Variants in ZFHX3 observed in about 807,000 individuals in gnomAD.
The protein encoded by ZFHX3 is zinc finger homeobox 3, also known as zinc finger homeobox protein 3.
A neutral mutation model predicts 279.1 loss-of-function variants in ZFHX3; 42 were observed. The ratio of observed to expected loss-of-function variants is 0.15; its 90% CI spans 0.12 to 0.19. The LOEUF (loss-of-function observed/expected upper bound fraction) is 0.19, where lower values mean the gene tolerates loss of function less well. Ranked by LOEUF, ZFHX3 falls within the 10% of genes least tolerant of loss-of-function variation. The pLI is 1.00. For missense variants in ZFHX3, 4,981 were observed against 4,754.0 expected, an observed-to-expected ratio of 1.05 and a Z score of -1.40; for synonymous variants, 2,293 against 1,957.8, an observed-to-expected ratio of 1.17 and a Z score of -4.52.
intron 5 of ZFHX3, among the ~76,000 whole-genome samples, chr16:73,175,029 AAACCAACC>A (rs746414325): frequency 1.3e-4 from 19 of 151,494 alleles, no homozygotes; most frequent in African/African-American, 4.6e-4. Context: ...CCCCCTCTCA[AAACCAACC>A]AACCAACCAA....
At chr16:73,824,004 T>C (rs1343127245) in intron 1 of ZFHX3, among the ~76,000 whole-genome samples, 1 of 152,226 alleles carries the variant, frequency 6.6e-6, no homozygotes, top group Non-Finnish European at 1.5e-5. Context: ...GGAAAGTTGA[T>C]GGAACCTTGA....
At chr16:73,068,578 G>T (rs1965784398) in intron 8 of ZFHX3, among the ~76,000 whole-genome samples, 1 of 152,212 alleles carries the variant, frequency 6.6e-6, no homozygotes. Flanking sequence ...GCCTCGGCTG[G>T]CCATACTAGG....
At chr16:72,906,589 G>T (rs1289485328) in intron 3 of ZFHX3, among the ~76,000 whole-genome samples, 1 of 152,046 alleles carries the variant, frequency 6.6e-6, no homozygotes. Context: ...CTGAGGTCAG[G>T]AGTTCGAGAC....
intron 3 of ZFHX3, among the ~76,000 whole-genome samples, chr16:73,375,852 C>T (rs1422594513): frequency 1.3e-5 from 2 of 152,162 alleles, no homozygotes; most frequent in Admixed American, 1.3e-4. Context: ...TAAGGATGTA[C>T]ATCAAATTAC....
intron 1 of ZFHX3, among the ~76,000 whole-genome samples, chr16:72,986,789 C>A (rs145985882): frequency 0.017 from 2,556 of 152,216 alleles, 46 homozygotes; most frequent in African/African-American, 0.05. Flanking sequence ...AGGATGGCAG[C>A]CCCAGGACTT....
At chr16:73,761,670 A>T (rs1434845927) in intron 1 of ZFHX3, among the ~76,000 whole-genome samples, 1 of 152,190 alleles carries the variant, frequency 6.6e-6, no homozygotes, top group Non-Finnish European at 1.5e-5. Flanking sequence ...AGAACTCAGA[A>T]ATAAGACTGC....
At chr16:73,393,301 G>T (rs2017057507) in intron 3 of ZFHX3, among the ~76,000 whole-genome samples, 1 of 152,164 alleles carries the variant, frequency 6.6e-6, no homozygotes, top group Non-Finnish European at 1.5e-5. Context: ...TATGTTGCTT[G>T]TCAGTACATT....
Position 72,796,283 on chromosome 16 carries a change from C to G in ZFHX3, c.6399G>C (p.Gln2133His). 1.2e-6 allele frequency: 2 copies of G among 1,614,072 alleles called. No individual in the cohort carries two copies. ...PLPADLAQLY[Q>H]HQLNPTLLQQ... ...GGAGCAGGGTTGGATTGAGCTGATG[C>G]TGGTAGAGTTGGGCCAGGTCCGCAG... The change falls in exon 9 of 10, where the codon CAG becomes CAC. Residue 2133 changes from glutamine to histidine, a missense_variant. Around this residue, in one of 7 missense-constraint regions of ZFHX3, gnomAD observed 1,751 missense variants for 1,770.0 expected, o/e 0.99. Transcript: ENST00000268489.
At chr16:73,204,290 A>G (rs2011715195) in intron 5 of ZFHX3, among the ~76,000 whole-genome samples, 1 of 150,472 alleles carries the variant, frequency 6.6e-6, no homozygotes, top group African/African-American at 2.4e-5. Flanking sequence ...TTCTATTATT[A>G]TTATATTCAT....
intron 3 of ZFHX3, among the ~76,000 whole-genome samples, chr16:73,388,365 G>A (rs1433077203): frequency 6.6e-6 from 1 of 152,192 alleles, no homozygotes; most frequent in Non-Finnish European, 1.5e-5. Flanking sequence ...GTAATGATCT[G>A]GGAAAATCCA....
intron 5 of ZFHX3, among the ~76,000 whole-genome samples, chr16:73,180,620 A>T (rs1158790543): frequency 2.0e-5 from 3 of 150,374 alleles, no homozygotes; most frequent in African/African-American, 7.3e-5. Flanking sequence ...CTGCTCTGCC[A>T]CCCTAGTCCC....
At chr16:72,805,398 G>C (rs145134338) in intron 7 of ZFHX3, among the ~76,000 whole-genome samples, 39 of 152,292 alleles carry the variant, frequency 2.6e-4, no homozygotes, top group Middle Eastern at 6.8e-3. Flanking sequence ...TATTCCAGGT[G>C]AAAGTATAGA....
At chr16:73,211,408 C>T (rs532557169) in intron 5 of ZFHX3, among the ~76,000 whole-genome samples, 2 of 152,208 alleles carry the variant, frequency 1.3e-5, no homozygotes, top group African/African-American at 4.8e-5. Flanking sequence ...AATTTTATCA[C>T]TTAAATGTAT....
In ZFHX3 at chr16:72,950,945, C is replaced by T; in HGVS notation, c.2740G>A (p.Asp914Asn). 6.2e-7 allele frequency: 1 copy of T among 1,612,836 alleles called. No individual in the cohort carries two copies. Among genetic ancestry groups the T allele is most frequent in the South Asian group, 1.1e-5 (1 of 91,016 alleles). The change falls in exon 3 of 10, where the codon GAC becomes AAC. Residue 914 changes from aspartate to asparagine, a missense_variant. Around this residue, in one of 7 missense-constraint regions of ZFHX3, gnomAD observed 1,751 missense variants for 1,770.0 expected, o/e 0.99. Coordinates refer to ENST00000268489, the MANE Select transcript of ZFHX3 (RefSeq NM_006885.4). Reference sequence around the variant, plus strand: ...AGCTGCCCGCCCCCGAGCCGCATGTCTAGGGGGATCTCACCGCCCACTGCA... The same window carrying T: ...AGCTGCCCGCCCCCGAGCCGCATGTTTAGGGGGATCTCACCGCCCACTGCA... The part of the protein sequence containing the change: ...PALVGGEIPL[D>N]MRLGGGQLVS...
intron 2 of ZFHX3, among the ~76,000 whole-genome samples, chr16:73,623,421 G>A (rs958818669): frequency 9.9e-5 from 15 of 152,032 alleles, no homozygotes; most frequent in Non-Finnish European, 1.9e-4. Context: ...ACTCTTTCCA[G>A]CTTCTGTTAG....
intron 1 of ZFHX3, among the ~76,000 whole-genome samples, chr16:73,782,941 A>C (rs1235677208): frequency 6.6e-6 from 1 of 152,194 alleles, no homozygotes; most frequent in African/African-American, 2.4e-5. Context: ...TATTCCAACT[A>C]ACTCAATAGG....
chr16:72,867,723 GAAAAA>G (rs10577267), intron 4 of ZFHX3, among the ~76,000 whole-genome samples: 4 of 147,992 alleles, frequency 2.7e-5, no homozygotes, highest in African/African-American at 9.8e-5. Context: ...TTTGACAGGG[GAAAAA>G]AAAAAAAAGA....
At chr16:73,175,182 C>A (rs193047603) in intron 5 of ZFHX3, among the ~76,000 whole-genome samples, 233 of 152,226 alleles carry the variant, frequency 1.5e-3, no homozygotes, top group Non-Finnish European at 2.7e-3. Flanking sequence ...GAGTTCGAGA[C>A]CAGCCTGGCC....
intron 8 of ZFHX3, among the ~76,000 whole-genome samples, chr16:73,072,741 CA>C (rs2144757213): frequency 6.6e-6 from 1 of 152,204 alleles, no homozygotes; most frequent in East Asian, 1.9e-4. Context: ...ATTTGTTTTA[CA>C]AATTTTTTGT....
Sources: gnomAD v4.1 joint callset for allele counts (sites outside exome capture counted in the v4.1 genomes callset) on GRCh38, gnomAD v4.1.1 for gene constraint, gnomAD v4.1.1 regional missense constraint, MANE v1.5 for transcripts, NCBI Gene and HGNC (gene_info 2026-07-23, HGNC 2026-07-21) for gene names.